SPATC1L: variants seen among roughly 807,000 people sequenced by gnomAD.
SPATC1L encodes the protein spermatogenesis and centriole associated 1 like, also known as speriolin-like protein.
A neutral mutation model predicts 21.2 loss-of-function variants in SPATC1L; 20 were observed. The ratio of observed to expected loss-of-function variants is 0.94; its 90% CI spans 0.66 to 1.37. The LOEUF (loss-of-function observed/expected upper bound fraction) is 1.37. SPATC1L is among the 40% of genes most tolerant of loss of function. The pLI is 0.00. For synonymous variants in SPATC1L, 290 were observed against 234.5 expected, an observed-to-expected ratio of 1.24 and a Z score of -2.16; for missense variants, 499 against 478.7, an observed-to-expected ratio of 1.04 and a Z score of -0.40.
At chr21:46,177,953 G>A (rs1387177269) in intron 2 of SPATC1L, among the ~76,000 whole-genome samples, 1 of 152,210 alleles carries the variant, frequency 6.6e-6, no homozygotes, top group Non-Finnish European at 1.5e-5. Context: ...AAAGAGATCA[G>A]CCGGGAGCAG....
At position 46,161,998 on chromosome 21, in the gene SPATC1L, C is replaced by A. The variant is rs542776808; in HGVS notation, c.614G>T (p.Arg205Leu). ...CGGGAACACGTAGGCCAGGATGCGG[C>A]GGTCCAGCTGGAAGGCGATCTCGCC... Reference protein sequence around the residue: ...VVGEIAFQLDRRILAYVFPGV... With the variant: ...VVGEIAFQLDLRILAYVFPGV... Residue 205 changes from arginine to leucine, a missense_variant, in exon 4 of 5, where the codon CGC becomes CTC. By Grantham distance (102) the Arg-to-Leu change is moderately radical. Transcript: ENST00000291672. The A allele has an allele frequency of 3.1e-6, 5 of 1,603,756 alleles. No homozygotes were observed. The Admixed American group carries it at 5.1e-5, about 16-fold the overall frequency.
intron 3 of SPATC1L, among the ~76,000 whole-genome samples, chr21:46,167,672 C>CA (rs952324627): frequency 3.1e-4 from 47 of 152,092 alleles, no homozygotes; most frequent in African/African-American, 1.1e-3. Context: ...ACACAAAAAC[C>CA]AAAAAATTAG....
Position 46,161,305 on chromosome 21 carries a change from C to G in SPATC1L, c.*74G>C, listed in dbSNP as rs10188. On this transcript the variant is annotated 3_prime_UTR_variant, in exon 5 of 5. Transcript: ENST00000291672. Reference sequence around the variant, plus strand: ...CGCGGCCCTTTCCCCTCCGGGGGGACGCGCAGGAGGCACCGCGGCCCCGGG... The same window carrying G: ...CGCGGCCCTTTCCCCTCCGGGGGGAGGCGCAGGAGGCACCGCGGCCCCGGG... 1 of 1,355,700 alleles carries G rather than the reference C, an allele frequency of 7.4e-7. No homozygotes were observed. Among genetic ancestry groups the G allele is most frequent in the Admixed American group, 3.0e-5 (1 of 33,312 alleles). The allele number at this position is 1,355,700 out of a possible 1,614,324, so 84.0% of individuals were successfully genotyped here.
chr21:46,169,231 G>A (rs1601382424), intron 2 of SPATC1L, among the ~76,000 whole-genome samples: 1 of 152,066 alleles, frequency 6.6e-6, no homozygotes, highest in African/African-American at 2.4e-5. Flanking sequence ...TTGGCCTCCC[G>A]GGAGGAGCCT....
At position 46,168,775 on chromosome 21, in the gene SPATC1L, C is replaced by T. The variant is rs139572736; in HGVS notation, c.194-117G>A. The T allele has an allele frequency of 1.2e-4, 70 of 590,132 alleles. No homozygotes were observed. In the Middle Eastern group the frequency reaches 6.2e-3, roughly 52 times the overall value. The allele number at this position is 590,132 out of a possible 1,614,324, so 36.6% of individuals were successfully genotyped here. A position where few individuals can be genotyped will look rare whatever the true frequency, so the allele number is the denominator to read the frequency against. ...CCCCACCCCAAGCTTCAACACCTGC[C>T]GGGGTTTCCCTGGCTTCAGAGCATC... On this transcript the variant is annotated intron_variant, in intron 2 of 4. Coordinates refer to ENST00000291672, the MANE Select transcript of SPATC1L (RefSeq NM_001142854.2).
intron 2 of SPATC1L, among the ~76,000 whole-genome samples, chr21:46,177,446 C>T (rs1328424903): frequency 6.6e-6 from 1 of 152,078 alleles, no homozygotes; most frequent in Non-Finnish European, 1.5e-5. Context: ...AAAAAGTGGG[C>T]AAAGGACATG....
At chr21:46,161,893 C>T (rs771799030) in intron 4 of SPATC1L, 23 bp downstream of exon 4, 11 of 1,600,352 alleles carry the variant, frequency 6.9e-6, no homozygotes, top group African/African-American at 2.7e-5. Flanking sequence ...CCCTCCTGGC[C>T]GCGCCCTCCC....
chr21:46,171,939 G>GA (rs66628257), intron 2 of SPATC1L, among the ~76,000 whole-genome samples: 5,417 of 67,722 alleles, frequency 0.08, 309 homozygotes, highest in Non-Finnish European at 0.095. Context: ...ATAACCCCCA[G>GA]AAAAAAAAAA....
chr21:46,172,099 A>C lies in SPATC1L; in HGVS notation c.194-3441T>G, dbSNP rs2330398. Among the ~76,000 whole-genome samples, 46 of 127,240 alleles carry C rather than the reference A, an allele frequency of 3.6e-4. 2 individuals carry two copies. Among genetic ancestry groups the C allele is most frequent in the African/African-American group, 5.9e-4 (19 of 32,190 alleles). The allele number at this position is 127,240 out of a possible 152,430, so 83.5% of individuals were successfully genotyped here. ...GCGGGGGATGCACAGAGCATGAGGC[A>C]GGAGTGCAGAGCATGAGGCGGGGGA... is the stretch of plus-strand genomic sequence containing the variant. On this transcript the variant is annotated intron_variant, in intron 2 of 4. Coordinates refer to ENST00000291672, the MANE Select transcript of SPATC1L (RefSeq NM_001142854.2).
At chr21:46,180,820 G>A (rs1465639523) in intron 2 of SPATC1L, among the ~76,000 whole-genome samples, 1 of 152,186 alleles carries the variant, frequency 6.6e-6, no homozygotes, top group Non-Finnish European at 1.5e-5. Flanking sequence ...CTGTGGCGGG[G>A]GCTCCAAGGC....
chr21:46,161,640 G>C lies in SPATC1L; in HGVS notation c.762C>G (p.Tyr254Ter), dbSNP rs1453312435. Residue 254 changes from tyrosine to a stop codon, truncating the protein, a stop_gained, in exon 5 of 5, where the codon TAC becomes TAG. Transcript: ENST00000291672. LOFTEE classifies it high-confidence loss of function. ...TCTCCAGGCGCGCGCTCAGGGCCAG[G>C]TAGCGCTGCGTCAGCTCGCGCAGCT... ...ERKLRELTQR[Y>*]LALSARLEKL... 8 of 1,610,194 alleles carry C rather than the reference G, an allele frequency of 5.0e-6. No individual in the cohort carries two copies. Among genetic ancestry groups the C allele is most frequent in the Non-Finnish European group, 6.8e-6 (8 of 1,178,990 alleles).
intron 3 of SPATC1L, among the ~76,000 whole-genome samples, chr21:46,166,828 A>C (rs561735014): frequency 6.6e-6 from 1 of 152,336 alleles, no homozygotes; most frequent in South Asian, 2.1e-4. Context: ...TACAATAGTA[A>C]CTGGAGACTT....
At chr21:46,169,546 G>C (rs2079568408) in intron 2 of SPATC1L, among the ~76,000 whole-genome samples, 1 of 143,306 alleles carries the variant, frequency 7.0e-6, no homozygotes, top group Non-Finnish European at 1.5e-5. Flanking sequence ...GGATGGGGAG[G>C]AGCCTCCTGC....
rs757252512 is a variant in SPATC1L at position 46,168,539 on chromosome 21, C to T, written c.313G>A (p.Gly105Ser). The stretch of plus-strand genomic sequence containing the variant: ...GGTGCCTGGGAGGGGGCTGCACAGC[C>T]CGGGGAGGTGTCGTCCTCGCTGGAC... ...PLSSEDDTSP[G>S]CAAPSQAPFK... Residue 105 changes from glycine to serine, a missense_variant, in exon 3 of 5, where the codon GGC becomes AGC. Coordinates refer to ENST00000291672, the MANE Select transcript of SPATC1L (RefSeq NM_001142854.2). 20 of 1,517,122 alleles carry T rather than the reference C, an allele frequency of 1.3e-5. No homozygotes were observed. The highest frequency in any genetic ancestry group is 1.6e-5 in the Non-Finnish European group (18 of 1,121,280). The allele number at this position is 1,517,122 out of a possible 1,614,324, so 94.0% of individuals were successfully genotyped here. A position where few individuals can be genotyped will look rare whatever the true frequency, so the allele number is the denominator to read the frequency against.
intron 2 of SPATC1L, among the ~76,000 whole-genome samples, chr21:46,177,507 T>C (rs73384661): frequency 0.011 from 1,722 of 152,236 alleles, 30 homozygotes; most frequent in African/African-American, 0.039. Flanking sequence ...GAAAAAAGGC[T>C]CAACATCACT....
chr21:46,171,498 A>G (rs1363545973), intron 2 of SPATC1L, among the ~76,000 whole-genome samples: 1 of 152,136 alleles, frequency 6.6e-6, no homozygotes, highest in Non-Finnish European at 1.5e-5. Context: ...TTCCAAGGAA[A>G]AAAAGTTCGA....
rs767593483 is a variant in SPATC1L, at chr21:46,168,540, C to T, written c.312G>A (p.Pro104=). The T allele has an allele frequency of 1.3e-5, 19 of 1,515,478 alleles. No homozygotes were observed. Among genetic ancestry groups the T allele is most frequent in the Non-Finnish European group, 1.6e-5 (18 of 1,120,258 alleles). The allele number at this position is 1,515,478 out of a possible 1,614,324, so 93.9% of individuals were successfully genotyped here. A position where few individuals can be genotyped will look rare whatever the true frequency, so the allele number is the denominator to read the frequency against. Residue 104 remains proline, a synonymous_variant, in exon 3 of 5, where the codon CCG becomes CCA. Coordinates refer to ENST00000291672, the MANE Select transcript of SPATC1L (RefSeq NM_001142854.2). ...APLSSEDDTS[P]GCAAPSQAPF... ...GTGCCTGGGAGGGGGCTGCACAGCC[C>T]GGGGAGGTGTCGTCCTCGCTGGACA...
rs187256617 is a variant in SPATC1L, at chr21:46,179,825, G to A, written c.193+2799C>T. Among the ~76,000 whole-genome samples the A allele has an allele frequency of 2.2e-4, 33 of 152,348 alleles. No individual in the cohort carries two copies. The East Asian group carries it at 6.4e-3, about 29-fold the overall frequency. ...GGGAGACGAGATGGGGCAGCTGGGA[G>A]GGGAGGCAGAGGACTGCTGCTCCCA... is the stretch of plus-strand genomic sequence containing the variant. On this transcript the variant is annotated intron_variant, in intron 2 of 4. Coordinates refer to ENST00000291672, the MANE Select transcript of SPATC1L (RefSeq NM_001142854.2).
chr21:46,172,152 AAGAGCGTGAGGCGGGGGATGCAC>A (rs796753276), intron 2 of SPATC1L, among the ~76,000 whole-genome samples: 13,045 of 121,924 alleles, frequency 0.11, 1,239 homozygotes, highest in African/African-American at 0.21. Context: ...GGGGGATGCA[AAGAGCGTGAGGCGGGGGATGCAC>A]AGAGCGTGAG....
Sources: allele counts gnomAD v4.1 joint callset (sites outside exome capture counted in the v4.1 genomes callset), GRCh38; gene constraint gnomAD v4.1.1; transcripts MANE v1.5; gene names NCBI Gene and HGNC (gene_info 2026-07-23, HGNC 2026-07-21).